The following SEMA3C variants were observed in gnomAD, a reference collection of about 807,000 sequenced individuals.
The protein encoded by SEMA3C is semaphorin 3C.
A neutral mutation model predicts 89.4 loss-of-function variants in SEMA3C; 47 were observed. That is an observed-to-expected ratio of 0.53 (90% CI 0.42 to 0.67). The LOEUF is 0.67. Ranked by LOEUF, SEMA3C falls within the 30% of genes least tolerant of loss-of-function variation. The pLI is 0.00. For missense variants in SEMA3C, 839 were observed against 929.1 expected, an observed-to-expected ratio of 0.90 and a Z score of 1.26; for synonymous variants, 310 against 320.2, an observed-to-expected ratio of 0.97 and a Z score of 0.34.
intron 6 of SEMA3C, among the ~76,000 whole-genome samples, chr7:80,810,131 T>G (rs1789433304): frequency 6.6e-6 from 1 of 152,156 alleles, no homozygotes. Flanking sequence ...AGGTAATGGA[T>G]ATGTCAATTG....
At chr7:80,761,191 C>A (rs1295805022) in intron 14 of SEMA3C, among the ~76,000 whole-genome samples, 1 of 152,072 alleles carries the variant, frequency 6.6e-6, no homozygotes, top group Non-Finnish European at 1.5e-5. Flanking sequence ...ATACACTGTG[C>A]ATTTCAAATA....
chr7:80,893,784 G>T (rs928159378), intron 2 of SEMA3C, among the ~76,000 whole-genome samples: 1 of 151,878 alleles, frequency 6.6e-6, no homozygotes, highest in Non-Finnish European at 1.5e-5. Flanking sequence ...ATACATTAAG[G>T]ATATTTCCAA....
intron 7 of SEMA3C, among the ~76,000 whole-genome samples, chr7:80,804,986 T>G (rs886874712): frequency 6.6e-6 from 1 of 152,136 alleles, no homozygotes; most frequent in Non-Finnish European, 1.5e-5. Context: ...TTTTGTTTTT[T>G]TAATTGCTCT....
At chr7:80,784,995 C>T (rs1043087595) in intron 12 of SEMA3C, among the ~76,000 whole-genome samples, 6 of 151,980 alleles carry the variant, frequency 3.9e-5, no homozygotes, top group Admixed American at 3.3e-4. Context: ...ACAACGCTCA[C>T]TTTTCCTTCC....
intron 4 of SEMA3C, among the ~76,000 whole-genome samples, chr7:80,824,754 C>T (rs1028155155): frequency 2.6e-5 from 4 of 152,136 alleles, no homozygotes; most frequent in Non-Finnish European, 4.4e-5. Context: ...AGCAGCACAG[C>T]TTAAGTTTCT....
intron 12 of SEMA3C, among the ~76,000 whole-genome samples, chr7:80,777,757 G>A (rs1788584714): frequency 6.6e-6 from 1 of 152,208 alleles, no homozygotes; most frequent in Non-Finnish European, 1.5e-5. Context: ...AAGTTTCAGA[G>A]TTAAACCTTT....
intron 2 of SEMA3C, among the ~76,000 whole-genome samples, chr7:80,861,399 C>T (rs1790767878): frequency 6.6e-6 from 1 of 152,002 alleles, no homozygotes; most frequent in African/African-American, 2.4e-5. Flanking sequence ...TATTTGCTTG[C>T]CATGGTTTTC....
intron 12 of SEMA3C, 141 bp downstream of exon 12, chr7:80,789,165 A>C: frequency 6.5e-6 from 4 of 617,636 alleles, no homozygotes; most frequent in Non-Finnish European, 1.1e-5. Flanking sequence ...AGGCAAAAAG[A>C]GATTAAATAT....
chr7:80,754,957 G>GTTTTTTTTTTGT (rs1449995090), intron 15 of SEMA3C, among the ~76,000 whole-genome samples: 27 of 108,370 alleles, frequency 2.5e-4, no homozygotes, highest in East Asian at 6.3e-4. Flanking sequence ...GTTTTTTTTT[G>GTTTTTTTTTTGT]TTTTTTTTTT....
intron 12 of SEMA3C, among the ~76,000 whole-genome samples, chr7:80,766,027 A>T (rs942878144): frequency 1.3e-5 from 2 of 152,220 alleles, no homozygotes; most frequent in African/African-American, 4.8e-5. Context: ...ATAACTGTAT[A>T]AGTCACTAGG....
chr7:80,861,015 C>T (rs1790758107), intron 2 of SEMA3C, among the ~76,000 whole-genome samples: 2 of 152,096 alleles, frequency 1.3e-5, no homozygotes, highest in African/African-American at 4.8e-5. Context: ...TGGATTTTCA[C>T]TTAATTAACA....
chr7:80,751,710 C>T (rs1020417641), intron 15 of SEMA3C, among the ~76,000 whole-genome samples: 6 of 152,050 alleles, frequency 3.9e-5, no homozygotes, highest in Non-Finnish European at 7.4e-5. Flanking sequence ...GTATAAACTC[C>T]GTAGCATTTT....
At chr7:80,797,784 G>C (rs1443480668) in intron 11 of SEMA3C, among the ~76,000 whole-genome samples, 1 of 152,168 alleles carries the variant, frequency 6.6e-6, no homozygotes, top group Non-Finnish European at 1.5e-5. Context: ...CGGATCACGA[G>C]GTCAGGAGTT....
At chr7:80,876,100 C>T (rs1791195004) in intron 2 of SEMA3C, among the ~76,000 whole-genome samples, 1 of 152,062 alleles carries the variant, frequency 6.6e-6, no homozygotes, top group Non-Finnish European at 1.5e-5. Flanking sequence ...GAGTTTGCCA[C>T]CATGCACGGT....
chr7:80,846,265 T>C (rs1790387071), intron 2 of SEMA3C, among the ~76,000 whole-genome samples: 1 of 152,218 alleles, frequency 6.6e-6, no homozygotes, highest in African/African-American at 2.4e-5. Flanking sequence ...GCTATCTGTA[T>C]TGTTTGGAAA....
At chr7:80,910,441 T>C (rs940963298) in intron 2 of SEMA3C, among the ~76,000 whole-genome samples, 4 of 152,202 alleles carry the variant, frequency 2.6e-5, no homozygotes, top group Admixed American at 2.6e-4. Flanking sequence ...TACCCTAAAA[T>C]AGCACATGGC....
In SEMA3C at chr7:80,802,707, C is replaced by G; in HGVS notation, c.874G>C (p.Val292Leu). ...GTTTCTGGGCCGTCTTCATCTGTTA[C>G]CGAGCACACCAGCCTCGCCTTTAAG... is the stretch of plus-strand genomic sequence containing the variant. Reference protein sequence around the residue: ...TFLKARLVCSVTDEDGPETHF... With the variant: ...TFLKARLVCSLTDEDGPETHF... Residue 292 changes from valine to leucine, a missense_variant, in exon 9 of 18, where the codon GTA becomes CTA. Transcript: ENST00000265361. 6.2e-7 allele frequency: 1 copy of G among 1,613,490 alleles called. No individual in the cohort carries two copies. Among genetic ancestry groups the G allele is most frequent in the Non-Finnish European group, 8.5e-7 (1 of 1,179,504 alleles).
At chr7:80,839,239 G>T (rs1234402464) in intron 2 of SEMA3C, among the ~76,000 whole-genome samples, 2 of 152,136 alleles carry the variant, frequency 1.3e-5, no homozygotes, top group Non-Finnish European at 2.9e-5. Flanking sequence ...TTCTAGGAAG[G>T]CCTCAGTTTC....
intron 2 of SEMA3C, among the ~76,000 whole-genome samples, chr7:80,859,114 T>A (rs1183393275): frequency 6.6e-6 from 1 of 151,626 alleles, no homozygotes; most frequent in Non-Finnish European, 1.5e-5. Context: ...CAAAAAAAAA[T>A]AAAGTGGTGA....
Sources: allele counts gnomAD v4.1 joint callset (sites outside exome capture counted in the v4.1 genomes callset), GRCh38; gene constraint gnomAD v4.1.1; transcripts MANE v1.5; gene names NCBI Gene and HGNC (gene_info 2026-07-23, HGNC 2026-07-21).